The following ESR2 variants were observed in gnomAD, a reference collection of about 807,000 sequenced individuals.
ESR2 encodes estrogen receptor 2, also known as estrogen receptor beta.
ESR2 carries 36 observed loss-of-function variants against 49.6 expected under a neutral mutation model. The observed-to-expected ratio is 0.73, with a 90% CI of 0.56 to 0.96. The LOEUF (loss-of-function observed/expected upper bound fraction) is 0.96. Among genes scored for constraint, ESR2 ranks in the 40% least tolerant of loss-of-function variants. The probability of loss-of-function intolerance (pLI) is 0.00; values close to 1 mark genes in which losing one functional copy is unlikely to be tolerated. For synonymous variants in ESR2, 320 were observed against 266.1 expected (o/e 1.20, Z -1.97); for missense variants, 714 against 693.0 (o/e 1.03, Z -0.34).
chr14:64,296,410 G>A (rs1373619419), upstream of ESR2, among the ~76,000 whole-genome samples: 1 of 152,160 alleles, frequency 6.6e-6, no homozygotes, highest in Non-Finnish European at 1.5e-5. Context: ...TTTATGCCCC[G>A]CTTTCTCTCA....
chr14:64,295,357 T>C (rs1233992035), upstream of ESR2, among the ~76,000 whole-genome samples: 1 of 152,198 alleles, frequency 6.6e-6, no homozygotes, highest in Non-Finnish European at 1.5e-5. Context: ...CTCAGCTGTT[T>C]GGTGTTTAGC....
At chr14:64,268,655 C>T (rs1056297317) in intron 4 of ESR2, 140 bp downstream of exon 4, 1 of 629,382 alleles carries the variant, frequency 1.6e-6, no homozygotes, top group African/African-American at 1.8e-5. Context: ...AAGTCAATGC[C>T]CCCTCCAATG....
intron 1 of ESR2, among the ~76,000 whole-genome samples, chr14:64,305,222 C>T (rs1192714198): frequency 7.0e-6 from 1 of 142,130 alleles, no homozygotes; most frequent in Non-Finnish European, 1.5e-5. Context: ...ACCCAGGAGG[C>T]AGAGCTTGCA....
rs771618763 is a variant in ESR2, at chr14:64,233,266, A to G, written c.1464T>C (p.Tyr488=). ...NMKCKNVVPV[Y]DLLLEMLNAH... ...CATTCAGCATCTCCAGCAGCAGGTC[A>G]TACACTGGGACCACATTTTTGCACT... The change falls in exon 9 of 9, where the codon TAT becomes TAC. Residue 488 remains tyrosine, a synonymous_variant. Transcript: ENST00000341099. 16 of 1,614,102 alleles carry G rather than the reference A, an allele frequency of 9.9e-6. No homozygotes were observed. Among genetic ancestry groups the G allele is most frequent in the African/African-American group, 4.0e-5 (3 of 74,938 alleles).
At chr14:64,310,557 T>G (rs890197987) in intron 1 of ESR2, among the ~76,000 whole-genome samples, 1 of 151,444 alleles carries the variant, frequency 6.6e-6, no homozygotes, top group African/African-American at 2.4e-5. Context: ...CTGCAACCTC[T>G]GCCTTCCGGT....
chr14:64,295,326 G>A (rs987914746), upstream of ESR2, among the ~76,000 whole-genome samples: 1 of 152,140 alleles, frequency 6.6e-6, no homozygotes, highest in Admixed American at 6.5e-5. Context: ...GCATTTGGAG[G>A]GAAAGTTTTA....
At chr14:64,287,534 A>G (rs1200054348) in intron 1 of ESR2, among the ~76,000 whole-genome samples, 1 of 152,244 alleles carries the variant, frequency 6.6e-6, no homozygotes, top group East Asian at 1.9e-4. Flanking sequence ...TCAGATTCAC[A>G]TGATTCACAG....
At chr14:64,270,285 G>T (rs765921731) in intron 3 of ESR2, among the ~76,000 whole-genome samples, 7 of 152,186 alleles carry the variant, frequency 4.6e-5, no homozygotes, top group African/African-American at 1.4e-4. Context: ...GGATGCACGT[G>T]TAGGTGGTAA....
At chr14:64,332,707 G>C (rs1425331265) in intron 1 of ESR2, among the ~76,000 whole-genome samples, 1 of 150,302 alleles carries the variant, frequency 6.7e-6, no homozygotes, top group Non-Finnish European at 1.5e-5. Context: ...GGCTAAGGCA[G>C]GAGAATGACA....
intron 1 of ESR2, among the ~76,000 whole-genome samples, chr14:64,312,990 A>G (rs1351126832): frequency 1.3e-5 from 2 of 152,164 alleles, no homozygotes; most frequent in African/African-American, 4.8e-5. Context: ...GTTTAACTAT[A>G]TGGTATCTAT....
chr14:64,288,101 C>A (rs1249145122), intron 1 of ESR2, among the ~76,000 whole-genome samples: 2 of 151,758 alleles, frequency 1.3e-5, no homozygotes, highest in Non-Finnish European at 2.9e-5. Context: ...TGTCCAGAGA[C>A]CTCTCTCTCT....
At chr14:64,309,607 C>CAAAAAAAAAAAAAAAAAAAAAA (rs545143689) in intron 1 of ESR2, among the ~76,000 whole-genome samples, 10 of 125,874 alleles carry the variant, frequency 7.9e-5, no homozygotes, top group African/African-American at 2.8e-4. Context: ...AACTCCATCT[C>CAAAAAAAAAAAAAAAAAAAAAA]AAAAAAAAAA....
downstream of ESR2, chr14:64,228,037 A>ATTTATGAC (rs2098723529): frequency 6.8e-7 from 1 of 1,464,804 alleles, no homozygotes; most frequent in Non-Finnish European, 9.0e-7. Context: ...TTACTTGTAT[A>ATTTATGAC]CACAGGACCT....
chr14:64,289,441 G>C (rs1161088235), intron 1 of ESR2, among the ~76,000 whole-genome samples: 1 of 152,080 alleles, frequency 6.6e-6, no homozygotes, highest in South Asian at 2.1e-4. Flanking sequence ...GAACCTGGGA[G>C]GTGGAGGTTG....
At position 64,229,497 on chromosome 14, in the gene ESR2, G is replaced by A. The variant is rs747824877; in HGVS notation, c.*3640C>T. On this transcript the variant is annotated 3_prime_UTR_variant, in exon 9 of 9. Transcript: ENST00000341099. ...CTTACTGTGTCTGTAGGGGTGTTCTGGACATTGTGGTGGGAGGTAAGGGGG... is the reference window on the plus strand; with the variant it reads ...CTTACTGTGTCTGTAGGGGTGTTCTAGACATTGTGGTGGGAGGTAAGGGGG... Among the ~76,000 whole-genome samples the A allele has an allele frequency of 6.6e-6, 1 of 152,210 alleles. No homozygotes were observed. Among genetic ancestry groups the A allele is most frequent in the Non-Finnish European group, 1.5e-5 (1 of 68,046 alleles).
chr14:64,319,879 TAACAAAA>T (rs1259847917), intron 1 of ESR2, among the ~76,000 whole-genome samples: 1 of 152,220 alleles, frequency 6.6e-6, no homozygotes, highest in Non-Finnish European at 1.5e-5. Context: ...TGGCAGTTTC[TAACAAAA>T]CTAAACATAT....
In ESR2 at chr14:64,228,371, G is replaced by A. The variant is rs1443969374; in HGVS notation, c.*4766C>T. ...ATTTATATCATGTTAAACTCTCTAC[G>A]ACAGTGCCATAGACATTAAAGGGAC... On this transcript the variant is annotated 3_prime_UTR_variant, in exon 9 of 9. Coordinates refer to ENST00000341099, the MANE Select transcript of ESR2 (RefSeq NM_001437.3). Among the ~76,000 whole-genome samples, 2 of 152,118 alleles carry A rather than the reference G, an allele frequency of 1.3e-5. No homozygotes were observed. The highest frequency in any genetic ancestry group is 6.5e-5 in the Admixed American group (1 of 15,268).
chr14:64,288,861 C>G (rs1260343557), intron 1 of ESR2, among the ~76,000 whole-genome samples: 1 of 151,394 alleles, frequency 6.6e-6, no homozygotes, highest in Non-Finnish European at 1.5e-5. Flanking sequence ...CAGCGCTTGC[C>G]TGTAAACCCA....
intron 2 of ESR2, among the ~76,000 whole-genome samples, chr14:64,281,534 A>G (rs946007893): frequency 9.2e-5 from 14 of 152,190 alleles, no homozygotes; most frequent in Admixed American, 2.6e-4. Flanking sequence ...TTTTAAAAGA[A>G]GAAAAATAAT....
Sources: allele counts gnomAD v4.1 joint callset (sites outside exome capture counted in the v4.1 genomes callset), GRCh38; gene constraint gnomAD v4.1.1; transcripts MANE v1.5; gene names NCBI Gene and HGNC (gene_info 2026-07-23, HGNC 2026-07-21).